PTPRD: variants seen among roughly 807,000 people sequenced by gnomAD.
PTPRD encodes receptor-type tyrosine-protein phosphatase delta.
A neutral mutation model predicts 214.5 loss-of-function variants in PTPRD; 34 were observed. That is an observed-to-expected ratio of 0.16 (90% CI 0.12 to 0.21). PTPRD has a LOEUF of 0.21. Ranked by LOEUF, PTPRD falls within the 10% of genes least tolerant of loss-of-function variation. PTPRD has a pLI of 1.00. For synonymous variants in PTPRD, 1,128 were observed against 845.7 expected, an observed-to-expected ratio of 1.33 and a Z score of -5.79; for missense variants, 2,545 against 2,398.7, an observed-to-expected ratio of 1.06 and a Z score of -1.27.
chr9:8,608,678 G>T (rs1365958949), intron 14 of PTPRD, among the ~76,000 whole-genome samples: 3 of 152,132 alleles, frequency 2.0e-5, no homozygotes, highest in African/African-American at 7.2e-5. Context: ...TACATGAATA[G>T]CAGTTGCCAT....
intron 11 of PTPRD, among the ~76,000 whole-genome samples, chr9:8,748,808 G>A (rs1274975): frequency 0.63 from 94,986 of 151,842 alleles, 30,422 homozygotes; most frequent in South Asian, 0.72. Context: ...CTACTCGGGA[G>A]GCTGAGGTGT....
At chr9:8,797,990 C>T (rs2096483174) in intron 11 of PTPRD, among the ~76,000 whole-genome samples, 1 of 151,902 alleles carries the variant, frequency 6.6e-6, no homozygotes, top group African/African-American at 2.4e-5. Context: ...TTGACCTCAA[C>T]CTTAACAGAA....
chr9:9,188,105 C>T (rs1433015500), intron 9 of PTPRD, among the ~76,000 whole-genome samples: 1 of 151,988 alleles, frequency 6.6e-6, no homozygotes, highest in Non-Finnish European at 1.5e-5. Flanking sequence ...ACCATCTTGA[C>T]TTCTAACCTA....
chr9:8,804,863 G>A (rs551567404), intron 11 of PTPRD, among the ~76,000 whole-genome samples: 20 of 152,246 alleles, frequency 1.3e-4, no homozygotes, highest in African/African-American at 4.6e-4. Context: ...AAAATAGCTT[G>A]TGTTGACTAA....
rs940522027 is a variant in PTPRD, at chr9:8,497,266, C to G, written c.2325G>C (p.Trp775Cys). The change falls in exon 26 of 46, where the codon TGG (tryptophan) becomes TGC (cysteine). Residue 775 changes from tryptophan to cysteine, a missense_variant and splice_region_variant. Trp to Cys is a radical substitution (Grantham distance 215, BLOSUM62 -2). Transcript: ENST00000381196. Reference protein sequence around the residue: ...LKDVMLADAQWEFDDTTEHDM... With the variant: ...LKDVMLADAQCEFDDTTEHDM... ...CATGTTCAGTAGTATCATCAAATTC[C>G]CACTGATTGAGAATAAGAAGGTTGG... 2 of 1,594,046 alleles carry G rather than the reference C, an allele frequency of 1.3e-6. No individual in the cohort carries two copies. The highest frequency in any genetic ancestry group is 1.8e-5 in the Admixed American group (1 of 56,196).
chr9:8,725,013 G>C (rs1404458563), intron 12 of PTPRD, among the ~76,000 whole-genome samples: 1 of 152,128 alleles, frequency 6.6e-6, no homozygotes, highest in Non-Finnish European at 1.5e-5. Context: ...ATGTAGTTTA[G>C]TTAACAGTAC....
chr9:8,440,816 T>C (rs1188753797), intron 34 of PTPRD, among the ~76,000 whole-genome samples: 1 of 152,076 alleles, frequency 6.6e-6, no homozygotes, highest in Admixed American at 6.5e-5. Context: ...TTATAAGAAG[T>C]AAACTTTAAA....
Position 9,530,311 on chromosome 9 carries a change from C to A in PTPRD, c.-237+44421G>T, listed in dbSNP as rs182228863. Among the ~76,000 whole-genome samples the A allele has an allele frequency of 7.9e-5, 12 of 152,182 alleles. 1 individual carries two copies. In the East Asian group the frequency reaches 2.1e-3, roughly 27 times the overall value. ...ATCAGAAATGAAAAAGGAGACATTA[C>A]AATGATATTGCAGAAATACAAAAGA... On this transcript the variant is annotated intron_variant, in intron 8 of 45. Transcript: ENST00000381196.
chr9:9,646,828 A>T (rs1460572836), intron 7 of PTPRD, among the ~76,000 whole-genome samples: 1 of 152,196 alleles, frequency 6.6e-6, no homozygotes, highest in Non-Finnish European at 1.5e-5. Context: ...AACAATAACT[A>T]AGAATAGAAC....
intron 4 of PTPRD, among the ~76,000 whole-genome samples, chr9:10,020,079 T>C (rs1455695389): frequency 6.6e-6 from 1 of 152,204 alleles, no homozygotes; most frequent in Non-Finnish European, 1.5e-5. Flanking sequence ...ACGGAAGTTA[T>C]TAATAACCTT....
chr9:8,463,077 T>G (rs1319066991), intron 32 of PTPRD, among the ~76,000 whole-genome samples: 5 of 151,856 alleles, frequency 3.3e-5, no homozygotes, highest in African/African-American at 4.8e-5. Flanking sequence ...TTTAAATGTT[T>G]TAACCTGCAT....
chr9:8,693,114 G>A (rs562825836), intron 12 of PTPRD, among the ~76,000 whole-genome samples: 1 of 152,110 alleles, frequency 6.6e-6, no homozygotes, highest in Non-Finnish European at 1.5e-5. Flanking sequence ...GGAGTTTTGG[G>A]GATACTTGCT....
At chr9:8,825,993 T>C (rs780756760) in intron 11 of PTPRD, among the ~76,000 whole-genome samples, 2 of 152,170 alleles carry the variant, frequency 1.3e-5, no homozygotes, top group Non-Finnish European at 2.9e-5. Flanking sequence ...TATCTTATCC[T>C]GTGACTTAGA....
At chr9:8,930,099 A>ATCCC (rs2098941322) in intron 11 of PTPRD, among the ~76,000 whole-genome samples, 1 of 150,548 alleles carries the variant, frequency 6.6e-6, no homozygotes, top group Non-Finnish European at 1.5e-5. Context: ...TCCTAATGCT[A>ATCCC]TCCCTCCCAC....
chr9:9,998,746 T>G (rs940105043), intron 4 of PTPRD, among the ~76,000 whole-genome samples: 2 of 152,132 alleles, frequency 1.3e-5, no homozygotes, highest in African/African-American at 4.8e-5. Context: ...GCACAAGTGC[T>G]CAATTAGCTG....
intron 11 of PTPRD, among the ~76,000 whole-genome samples, chr9:8,868,046 A>G (rs1453827674): frequency 2.6e-5 from 4 of 152,126 alleles, no homozygotes; most frequent in Non-Finnish European, 5.9e-5. Context: ...CAGGAGTCCA[A>G]ATGTTTGGAC....
intron 32 of PTPRD, among the ~76,000 whole-genome samples, chr9:8,461,947 G>T (rs2096418943): frequency 1.3e-5 from 2 of 151,824 alleles, no homozygotes; most frequent in African/African-American, 2.4e-5. Context: ...ACTGTGGCTG[G>T]CCCTGAACCC....
intron 2 of PTPRD, among the ~76,000 whole-genome samples, chr9:10,357,625 G>A (rs1294075678): frequency 6.6e-6 from 1 of 152,290 alleles, no homozygotes; most frequent in South Asian, 2.1e-4. Flanking sequence ...TTTTGTGCTG[G>A]TAGGAAAGTT....
intron 5 of PTPRD, among the ~76,000 whole-genome samples, chr9:9,930,491 A>C (rs2086099844): frequency 6.6e-6 from 1 of 152,210 alleles, no homozygotes; most frequent in African/African-American, 2.4e-5. Context: ...AAATGTAAAC[A>C]AATGTACAAC....
Sources: gnomAD v4.1 joint callset for allele counts (sites outside exome capture counted in the v4.1 genomes callset) on GRCh38, gnomAD v4.1.1 for gene constraint, MANE v1.5 for transcripts, NCBI Gene and HGNC (gene_info 2026-07-23, HGNC 2026-07-21) for gene names.